The following SPOCK1 variants were observed in gnomAD, a reference collection of about 807,000 sequenced individuals.
SPOCK1 encodes testican-1.
SPOCK1 carries 23 observed loss-of-function variants against 55.3 expected under a neutral mutation model. The ratio of observed to expected loss-of-function variants is 0.42; its 90% CI spans 0.30 to 0.59. SPOCK1 has a LOEUF of 0.59. Among genes scored for constraint, SPOCK1 ranks in the 20% least tolerant of loss-of-function variants. The pLI is 0.22. For synonymous variants in SPOCK1, 226 were observed against 221.0 expected, an observed-to-expected ratio of 1.02 and a Z score of -0.20; for missense variants, 499 against 552.5, an observed-to-expected ratio of 0.90 and a Z score of 0.97.
intron 3 of SPOCK1, among the ~76,000 whole-genome samples, chr5:137,144,372 T>C (rs2966734): frequency 2.6e-4 from 39 of 152,212 alleles, no homozygotes; most frequent in Non-Finnish European, 4.3e-4. Context: ...ATAAAAACTG[T>C]TCGTTATTAA....
intron 3 of SPOCK1, among the ~76,000 whole-genome samples, chr5:137,167,218 C>A (rs1404856374): frequency 1.3e-5 from 2 of 151,740 alleles, no homozygotes; most frequent in Non-Finnish European, 2.9e-5. Context: ...TAAGAATAGA[C>A]CAAGAAGGTC....
chr5:137,000,295 A>C lies in SPOCK1; in HGVS notation c.590-7695T>G, dbSNP rs146409411. ...TGTTTGCAATTAGTAGCTCCTGTAGAAGGTCCAGCTGAGCCTTCCTTAGAG... is the reference window on the plus strand; with the variant it reads ...TGTTTGCAATTAGTAGCTCCTGTAGCAGGTCCAGCTGAGCCTTCCTTAGAG... On this transcript the variant is annotated intron_variant, in intron 6 of 10. Transcript: ENST00000394945. Among the ~76,000 whole-genome samples, 424 of 152,282 alleles carry C rather than the reference A, an allele frequency of 2.8e-3. 2 individuals are homozygous for C. The highest frequency in any genetic ancestry group is 9.8e-3 in the African/African-American group (409 of 41,560).
intron 9 of SPOCK1, among the ~76,000 whole-genome samples, chr5:136,983,422 C>CAGTT (rs957345002): frequency 2.6e-4 from 39 of 152,188 alleles, no homozygotes; most frequent in South Asian, 2.1e-4. Flanking sequence ...GCTGATGCCA[C>CAGTT]AGTTAGAAGC....
intron 3 of SPOCK1, among the ~76,000 whole-genome samples, chr5:137,176,835 C>T (rs1754862418): frequency 6.6e-6 from 1 of 152,158 alleles, no homozygotes; most frequent in Admixed American, 6.6e-5. Context: ...CAAAAGAATC[C>T]TAAAGCCCTG....
chr5:137,357,006 A>G (rs994791847), intron 2 of SPOCK1, among the ~76,000 whole-genome samples: 6 of 150,710 alleles, frequency 4.0e-5, no homozygotes, highest in Non-Finnish European at 8.9e-5. Flanking sequence ...TCTCCCAGGA[A>G]CACAAAGGGA....
chr5:137,252,608 T>C (rs1329863068), intron 3 of SPOCK1, among the ~76,000 whole-genome samples: 3 of 152,336 alleles, frequency 2.0e-5, no homozygotes, highest in East Asian at 1.9e-4. Flanking sequence ...GGCCAGCTCA[T>C]TGTTGACCAG....
intron 3 of SPOCK1, among the ~76,000 whole-genome samples, chr5:137,200,420 T>G (rs1254455779): frequency 6.6e-6 from 1 of 152,162 alleles, no homozygotes; most frequent in Non-Finnish European, 1.5e-5. Context: ...CCTGCCTTAC[T>G]TTTTCTCCTT....
chr5:137,288,484 T>C (rs1392085807), intron 2 of SPOCK1, among the ~76,000 whole-genome samples: 1 of 152,186 alleles, frequency 6.6e-6, no homozygotes, highest in African/African-American at 2.4e-5. Flanking sequence ...CACTCTCTAC[T>C]TTGAATCCCT....
chr5:137,004,851 G>A (rs562717139), intron 6 of SPOCK1, among the ~76,000 whole-genome samples: 1 of 152,174 alleles, frequency 6.6e-6, no homozygotes, highest in East Asian at 1.9e-4. Context: ...TACAGGCAAA[G>A]AGCTCCTTCT....
chr5:137,087,872 G>C (rs1179737922), intron 5 of SPOCK1, among the ~76,000 whole-genome samples: 3 of 52,900 alleles, frequency 5.7e-5, no homozygotes, highest in East Asian at 0.17. Flanking sequence ...GGAAACACAG[G>C]GGTGGGCTGT....
intron 5 of SPOCK1, among the ~76,000 whole-genome samples, chr5:137,079,946 T>TTCTTCCCAAC (rs1326352566): frequency 1.6e-5 from 1 of 63,898 alleles, no homozygotes; most frequent in African/African-American, 7.2e-5. Flanking sequence ...CTCTAATATT[T>TTCTTCCCAAC]TATAATTTAG....
At chr5:137,480,822 A>G (rs1753936052) in intron 2 of SPOCK1, among the ~76,000 whole-genome samples, 1 of 152,164 alleles carries the variant, frequency 6.6e-6, no homozygotes, top group East Asian at 1.9e-4. Flanking sequence ...CTGGCTAAGG[A>G]GAAGAGTTTT....
At chr5:137,004,037 G>C (rs1751196991) in intron 6 of SPOCK1, among the ~76,000 whole-genome samples, 1 of 152,146 alleles carries the variant, frequency 6.6e-6, no homozygotes, top group Non-Finnish European at 1.5e-5. Context: ...CTGGTTTAGA[G>C]TGGATGGTGC....
intron 5 of SPOCK1, among the ~76,000 whole-genome samples, chr5:137,080,664 C>T (rs1580740322): frequency 6.6e-6 from 1 of 152,180 alleles, no homozygotes; most frequent in East Asian, 1.9e-4. Context: ...AGTAGGTGTC[C>T]TTTAATTATT....
At position 137,434,143 on chromosome 5, in the gene SPOCK1, G is replaced by A. The variant is rs148534179; in HGVS notation, c.186+64230C>T. Among the ~76,000 whole-genome samples, 11 of 152,282 alleles carry A rather than the reference G, an allele frequency of 7.2e-5. No individual in the cohort carries two copies. The East Asian group carries it at 2.1e-3, about 29-fold the overall frequency. Reference sequence around the variant, plus strand: ...CCAAAACTGACCATCTGAAGAAATGGCAAAGTTGCTGAACCGAACACTGGT... The same window carrying A: ...CCAAAACTGACCATCTGAAGAAATGACAAAGTTGCTGAACCGAACACTGGT... On this transcript the variant is annotated intron_variant, in intron 2 of 10. Coordinates refer to ENST00000394945, the MANE Select transcript of SPOCK1 (RefSeq NM_004598.4).
chr5:137,339,455 C>T (rs1355810228), intron 2 of SPOCK1, among the ~76,000 whole-genome samples: 3 of 152,182 alleles, frequency 2.0e-5, no homozygotes, highest in Non-Finnish European at 4.4e-5. Flanking sequence ...GCAGCCAGCT[C>T]ACCCCATGAG....
At chr5:137,488,908 G>A (rs1338841756) in intron 2 of SPOCK1, among the ~76,000 whole-genome samples, 3 of 152,116 alleles carry the variant, frequency 2.0e-5, no homozygotes, top group Non-Finnish European at 4.4e-5. Flanking sequence ...TAATATGTCC[G>A]CCCTTCCTCC....
chr5:137,453,866 C>T (rs1299826186), intron 2 of SPOCK1, among the ~76,000 whole-genome samples: 3 of 152,084 alleles, frequency 2.0e-5, no homozygotes, highest in African/African-American at 7.2e-5. Flanking sequence ...AAATCAAGGT[C>T]TTAGAGGTCT....
chr5:137,377,323 T>G (rs1186738796), intron 2 of SPOCK1, among the ~76,000 whole-genome samples: 2 of 152,138 alleles, frequency 1.3e-5, no homozygotes, highest in Admixed American at 1.3e-4. Flanking sequence ...GGGTAGAAAT[T>G]TGTGTGGGGA....
Sources: gnomAD v4.1 joint callset for allele counts (sites outside exome capture counted in the v4.1 genomes callset) on GRCh38, gnomAD v4.1.1 for gene constraint, MANE v1.5 for transcripts, NCBI Gene and HGNC (gene_info 2026-07-23, HGNC 2026-07-21) for gene names.